LAMA2: variants seen among roughly 807,000 people sequenced by gnomAD.
LAMA2 encodes laminin subunit alpha 2, also known as laminin subunit alpha-2.
A neutral mutation model predicts 364.8 loss-of-function variants in LAMA2; 269 were observed. The ratio of observed to expected loss-of-function variants is 0.74; its 90% confidence interval spans 0.67 to 0.82. The LOEUF (loss-of-function observed/expected upper bound fraction) is 0.82, where lower values mean the gene tolerates loss of function less well. LAMA2 is among the 40% of genes least tolerant of loss of function. The pLI is 0.00. For synonymous variants in LAMA2, 1,379 were observed against 1,370.6 expected (o/e 1.01, Z -0.14); for missense variants, 3,807 against 3,873.2 (o/e 0.98, Z 0.45).
intron 12 of LAMA2, among the ~76,000 whole-genome samples, chr6:129,217,196 AAT>A (rs1186856584): frequency 7.3e-6 from 1 of 136,956 alleles, no homozygotes; most frequent in South Asian, 2.4e-4. Context: ...TCAAAAAAAA[AAT>A]AATAATAATA....
chr6:129,413,408 A>C (rs1780633457), intron 40 of LAMA2, among the ~76,000 whole-genome samples: 2 of 152,130 alleles, frequency 1.3e-5, no homozygotes, highest in African/African-American at 4.8e-5. Flanking sequence ...CAGATTTTAA[A>C]AGTACCTTAC....
chr6:129,513,861 C>T (rs903640177), intron 63 of LAMA2, among the ~76,000 whole-genome samples: 3 of 151,894 alleles, frequency 2.0e-5, no homozygotes, highest in Non-Finnish European at 4.4e-5. Flanking sequence ...ATGTAACTCT[C>T]AATCTTGTAT....
chr6:129,109,560 G>A (rs1776022177), intron 4 of LAMA2, among the ~76,000 whole-genome samples: 1 of 151,808 alleles, frequency 6.6e-6, no homozygotes, highest in Non-Finnish European at 1.5e-5. Flanking sequence ...TTATATTTTT[G>A]GAACATAGTT....
At chr6:129,314,571 G>A (rs2114498814) in intron 23 of LAMA2, 84 bp from the exon 24 acceptor site, 1 of 1,284,742 alleles carries the variant, frequency 7.8e-7, no homozygotes, top group South Asian at 1.2e-5. Flanking sequence ...TTTAAAAAGA[G>A]TATGCTCCCG....
At chr6:129,462,282 T>C (rs957978866) in intron 49 of LAMA2, among the ~76,000 whole-genome samples, 6 of 151,966 alleles carry the variant, frequency 3.9e-5, no homozygotes, top group African/African-American at 1.4e-4. Context: ...TAACGGTAGC[T>C]GAATCCAAAG....
At chr6:129,026,786 T>C (rs535299113) in intron 1 of LAMA2, among the ~76,000 whole-genome samples, 2 of 152,218 alleles carry the variant, frequency 1.3e-5, no homozygotes, top group South Asian at 2.1e-4. Context: ...TAGCATCAAA[T>C]TGATTTTGCA....
chr6:128,916,509 T>C (rs1778326567), intron 1 of LAMA2, among the ~76,000 whole-genome samples: 1 of 152,222 alleles, frequency 6.6e-6, no homozygotes, highest in Non-Finnish European at 1.5e-5. Flanking sequence ...GCTCTTATAA[T>C]TGGGCATTTC....
chr6:129,501,472 G>A (rs769411585), intron 58 of LAMA2, among the ~76,000 whole-genome samples: 11 of 152,230 alleles, frequency 7.2e-5, no homozygotes, highest in South Asian at 4.1e-4. Context: ...CTGTGGCAGA[G>A]TGCTTCGTTT....
At chr6:129,448,286 C>T (rs563625045) in intron 45 of LAMA2, among the ~76,000 whole-genome samples, 2 of 150,578 alleles carry the variant, frequency 1.3e-5, no homozygotes, top group Non-Finnish European at 3.0e-5. Context: ...CTGTCCCCCC[C>T]CAAAAAAAAA....
rs185707165 is a variant in LAMA2, at chr6:128,948,392, A to T, written c.112+65035A>T. Among the ~76,000 whole-genome samples, 342 of 152,286 alleles carry T rather than the reference A, an allele frequency of 2.2e-3. 2 individuals are homozygous for T. Among genetic ancestry groups the T allele is most frequent in the Non-Finnish European group, 1.5e-3 (105 of 68,024 alleles). ...TTTCAAGATTATATTCCTAAAACAC[A>T]GAAGTTTTTCAGTTTGTTCCCTAAC... On this transcript the variant is annotated intron_variant, in intron 1 of 64. Transcript: ENST00000421865.
intron 3 of LAMA2, among the ~76,000 whole-genome samples, chr6:129,087,568 T>A (rs1774453780): frequency 6.6e-6 from 1 of 152,196 alleles, no homozygotes. Context: ...AGAAAATCTC[T>A]AAATTATTAA....
At chr6:129,363,606 T>G (rs190983295) in intron 32 of LAMA2, among the ~76,000 whole-genome samples, 1 of 152,332 alleles carries the variant, frequency 6.6e-6, no homozygotes, top group East Asian at 1.9e-4. Context: ...CTACTCAAAG[T>G]GTGGTGCACA....
intron 1 of LAMA2, among the ~76,000 whole-genome samples, chr6:128,888,349 T>A (rs983432689): frequency 6.6e-6 from 1 of 152,182 alleles, no homozygotes; most frequent in African/African-American, 2.4e-5. Context: ...GATAAAAAAA[T>A]TCCTGCTCTT....
At chr6:129,454,837 A>G (rs1304652067) in intron 47 of LAMA2, among the ~76,000 whole-genome samples, 1 of 152,182 alleles carries the variant, frequency 6.6e-6, no homozygotes, top group Non-Finnish European at 1.5e-5. Flanking sequence ...GATTACTTAT[A>G]GAACTATCCC....
chr6:128,927,934 G>A (rs572225710), intron 1 of LAMA2, among the ~76,000 whole-genome samples: 107 of 152,244 alleles, frequency 7.0e-4, no homozygotes, highest in African/African-American at 2.5e-3. Context: ...TTGCTTATAG[G>A]TCTTTCAGAA....
chr6:129,167,179 A>T (rs1230231645), intron 9 of LAMA2, among the ~76,000 whole-genome samples: 1 of 151,994 alleles, frequency 6.6e-6, no homozygotes, highest in Non-Finnish European at 1.5e-5. Flanking sequence ...TTTTAATTAT[A>T]CTTTAAGTTT....
At chr6:129,344,473 A>G (rs1008061074) in intron 30 of LAMA2, among the ~76,000 whole-genome samples, 2 of 152,204 alleles carry the variant, frequency 1.3e-5, no homozygotes, top group African/African-American at 2.4e-5. Flanking sequence ...GAGAAGAAAG[A>G]TAATTTATGT....
chr6:128,967,757 G>A (rs1324452937), intron 1 of LAMA2, among the ~76,000 whole-genome samples: 1 of 152,036 alleles, frequency 6.6e-6, no homozygotes, highest in African/African-American at 2.4e-5. Flanking sequence ...TACTGCTCAG[G>A]GGATGATGAA....
chr6:129,499,935 A>AG (rs1190291388), intron 58 of LAMA2, among the ~76,000 whole-genome samples: 1 of 151,834 alleles, frequency 6.6e-6, no homozygotes, highest in East Asian at 1.9e-4. Context: ...GGAGAGACAG[A>AG]GGGGGGCAGG....
Sources: gnomAD v4.1 joint callset for allele counts (sites outside exome capture counted in the v4.1 genomes callset) on GRCh38, gnomAD v4.1.1 for gene constraint, MANE v1.5 for transcripts, NCBI Gene and HGNC (gene_info 2026-07-23, HGNC 2026-07-21) for gene names.